Variants in LPGAT1 observed in about 807,000 individuals in gnomAD.
LPGAT1 encodes the protein acyl-CoA:lysophosphatidylglycerol acyltransferase 1.
In LPGAT1, 11 loss-of-function variants were observed where a neutral mutation model predicts 47.5. The ratio of observed to expected loss-of-function variants is 0.23; its 90% CI spans 0.15 to 0.38. LPGAT1 has a LOEUF of 0.38. Ranked by LOEUF, LPGAT1 falls within the 10% of genes least tolerant of loss-of-function variation. The pLI is 1.00. For missense variants in LPGAT1, 293 were observed against 439.0 expected (o/e 0.67, Z 2.97); for synonymous variants, 138 against 144.2 (o/e 0.96, Z 0.31).
At chr1:211,814,367 T>A (rs896459652) in intron 2 of LPGAT1, among the ~76,000 whole-genome samples, 15 of 152,072 alleles carry the variant, frequency 9.9e-5, no homozygotes, top group African/African-American at 3.6e-4. Context: ...GGTAGAAATT[T>A]TCAAAGAAAC....
Position 211,830,142 on chromosome 1 carries a change from A to G in LPGAT1, c.-28+431T>C. 1.0e-6 allele frequency: 1 copy of G among 983,778 alleles called. No individual in the cohort carries two copies. Among genetic ancestry groups the G allele is most frequent in the Non-Finnish European group, 1.2e-6 (1 of 829,484 alleles). 60.9% of individuals were successfully genotyped at this position (983,778 alleles called of 1,614,324 possible). A position where few individuals can be genotyped will look rare whatever the true frequency, so the allele number is the denominator to read the frequency against. On this transcript the variant is annotated intron_variant, in intron 1 of 7. Coordinates refer to ENST00000366997, the MANE Select transcript of LPGAT1 (RefSeq NM_014873.3). The surrounding 1 kb of genome is among the most constrained non-coding windows in gnomAD (Gnocchi z 5.9). ...CCTGCAGCGGTTTCCGCGGATGTGGAAGGGTCGTGGCGGCGGGCGCGGCCC... is the reference window on the plus strand; with the variant it reads ...CCTGCAGCGGTTTCCGCGGATGTGGGAGGGTCGTGGCGGCGGGCGCGGCCC...
At chr1:211,813,754 T>C (rs958831899) in intron 2 of LPGAT1, among the ~76,000 whole-genome samples, 1 of 152,232 alleles carries the variant, frequency 6.6e-6, no homozygotes, top group Non-Finnish European at 1.5e-5. Context: ...ACAAGCTTCT[T>C]AGCTGGAGGG....
chr1:211,819,469 G>C (rs1660290218), intron 2 of LPGAT1, among the ~76,000 whole-genome samples: 1 of 152,084 alleles, frequency 6.6e-6, no homozygotes, highest in South Asian at 2.1e-4. Flanking sequence ...TACAGCCTGG[G>C]TGACAGAACA....
chr1:211,749,687 C>A lies in LPGAT1; in HGVS notation c.*212G>T. 1 of 497,272 alleles carries A rather than the reference C, an allele frequency of 2.0e-6. No homozygotes were observed. 30.8% of individuals were successfully genotyped at this position (497,272 alleles called of 1,614,324 possible). The stretch of plus-strand genomic sequence containing the variant: ...TGTGATAGAGTGTATCTTTTTAAAA[C>A]ATGTTCTTAAAATATATTAGCAGGT... On this transcript the variant is annotated 3_prime_UTR_variant, in exon 8 of 8. Coordinates refer to ENST00000366997, the MANE Select transcript of LPGAT1 (RefSeq NM_014873.3).
intron 2 of LPGAT1, among the ~76,000 whole-genome samples, chr1:211,827,494 AT>A (rs1238671233): frequency 6.6e-6 from 1 of 152,210 alleles, no homozygotes; most frequent in Non-Finnish European, 1.5e-5. Flanking sequence ...ACGCACAAAC[AT>A]TTCAGTAATT....
At chr1:211,818,284 A>G (rs1660250101) in intron 2 of LPGAT1, among the ~76,000 whole-genome samples, 1 of 152,202 alleles carries the variant, frequency 6.6e-6, no homozygotes, top group South Asian at 2.1e-4. Context: ...CCAAGCAAGT[A>G]TCCTTAATAA....
chr1:211,826,422 C>G (rs1373338796), intron 2 of LPGAT1, among the ~76,000 whole-genome samples: 1 of 152,152 alleles, frequency 6.6e-6, no homozygotes, highest in African/African-American at 2.4e-5. Context: ...TAGAAGTGTT[C>G]TGTATCTGCA....
At chr1:211,801,283 C>T (rs937640105) in intron 2 of LPGAT1, among the ~76,000 whole-genome samples, 6 of 152,154 alleles carry the variant, frequency 3.9e-5, no homozygotes, top group East Asian at 3.8e-4. Flanking sequence ...CACAACAAAC[C>T]GTACTAAAAT....
At chr1:211,752,681 T>C (rs6704043) in intron 6 of LPGAT1, among the ~76,000 whole-genome samples, 49,268 of 151,836 alleles carry the variant, frequency 0.32, 9,187 homozygotes, top group Non-Finnish European at 0.43. Context: ...ATCAGATCAC[T>C]GTAACTATGC....
At chr1:211,781,346 G>A (rs903386899) in intron 5 of LPGAT1, among the ~76,000 whole-genome samples, 1 of 152,190 alleles carries the variant, frequency 6.6e-6, no homozygotes, top group African/African-American at 2.4e-5. Context: ...ACAGGGTATT[G>A]ACTGGGTGGA....
In LPGAT1 at chr1:211,830,322, CGCGGCT is replaced by C. The variant is rs1053522525; in HGVS notation, c.-28+245_-28+250del. ...GGGCGCGCTGGCGCCCTACTCCCCTCGCGGCTGCCTGCGGACAGAGGGACGGCGGGG... is the reference window on the plus strand; with the variant it reads ...GGGCGCGCTGGCGCCCTACTCCCCTCGCCTGCGGACAGAGGGACGGCGGGG... On this transcript the variant is annotated intron_variant, in intron 1 of 7. Coordinates refer to ENST00000366997, the MANE Select transcript of LPGAT1 (RefSeq NM_014873.3). This position sits in a 1 kb window ranked among gnomAD's most constrained non-coding sequence, Gnocchi z 5.9. 11 of 1,112,432 alleles carry C rather than the reference CGCGGCT, an allele frequency of 9.9e-6. No individual in the cohort carries two copies. Among genetic ancestry groups the C allele is most frequent in the Middle Eastern group, 3.8e-4 (1 of 2,624 alleles). The allele number at this position is 1,112,432 out of a possible 1,614,324, so 68.9% of individuals were successfully genotyped here.
intron 2 of LPGAT1, among the ~76,000 whole-genome samples, chr1:211,818,889 G>T (rs528331239): frequency 6.6e-6 from 1 of 152,192 alleles, no homozygotes; most frequent in Non-Finnish European, 1.5e-5. Context: ...ATCAAAACAC[G>T]TTGGAAACCA....
chr1:211,812,443 C>T (rs1216240509), intron 2 of LPGAT1, among the ~76,000 whole-genome samples: 1 of 152,108 alleles, frequency 6.6e-6, no homozygotes, highest in Admixed American at 6.5e-5. Flanking sequence ...AAGGTTCTCA[C>T]TGAGCAAGGA....
chr1:211,809,088 C>G (rs1443165602), intron 2 of LPGAT1, among the ~76,000 whole-genome samples: 2 of 151,858 alleles, frequency 1.3e-5, no homozygotes, highest in African/African-American at 4.8e-5. Context: ...GCCTATAGTC[C>G]CAACTACTCG....
In LPGAT1 at chr1:211,748,949, A is replaced by G. The variant is rs1433270187; in HGVS notation, c.*950T>C. 2.0e-5 allele frequency: 3 copies of G among 152,312 alleles called. No individual in the cohort carries two copies. The highest frequency in any genetic ancestry group is 7.2e-5 in the African/African-American group (3 of 41,446). The allele number at this position is 152,312 out of a possible 1,614,324, so 9.4% of individuals were successfully genotyped here. Reference sequence around the variant, plus strand: ...TAGTAATTTGTTTTAACCATCCCCAAATGCATTTAGTGCCAATGTCAAAAT... The same window carrying G: ...TAGTAATTTGTTTTAACCATCCCCAGATGCATTTAGTGCCAATGTCAAAAT... On this transcript the variant is annotated 3_prime_UTR_variant, in exon 8 of 8. Coordinates refer to ENST00000366997, the MANE Select transcript of LPGAT1 (RefSeq NM_014873.3).
At chr1:211,758,559 C>T (rs776584209) in intron 6 of LPGAT1, among the ~76,000 whole-genome samples, 16 of 151,954 alleles carry the variant, frequency 1.1e-4, no homozygotes, top group African/African-American at 3.4e-4. Flanking sequence ...AAAAATAAAC[C>T]GGGCATGGTG....
At chr1:211,791,660 T>C (rs1339102644) in intron 3 of LPGAT1, among the ~76,000 whole-genome samples, 4 of 151,384 alleles carry the variant, frequency 2.6e-5, no homozygotes, top group Admixed American at 6.6e-5. Context: ...GGCACAAGAA[T>C]TGCTTGAACC....
At position 211,778,975 on chromosome 1, in the gene LPGAT1, T is replaced by G; in HGVS notation, c.797A>C (p.Asp266Ala). 6.2e-7 allele frequency: 1 copy of G among 1,610,266 alleles called. No individual in the cohort carries two copies. ...TIAYPKAEPI[D>A]IQTWILGYRK... ...GTATCCAAGGATCCAGGTTTGAATA[T>G]CTATAGGTTCAGCTTTGGGATAAGC... The change falls in exon 6 of 8, where the codon GAT becomes GCT. Residue 266 changes from aspartate (D) to alanine (A), a missense_variant. By Grantham distance (126) the Asp-to-Ala change is moderately radical. Coordinates refer to ENST00000366997, the MANE Select transcript of LPGAT1 (RefSeq NM_014873.3).
At position 211,830,232 on chromosome 1, in the gene LPGAT1, C is replaced by G; in HGVS notation, c.-28+341G>C. 1 of 985,032 alleles carries G rather than the reference C, an allele frequency of 1.0e-6. No individual in the cohort carries two copies. Among genetic ancestry groups the G allele is most frequent in the Non-Finnish European group, 1.2e-6 (1 of 830,420 alleles). 61.0% of individuals were successfully genotyped at this position (985,032 alleles called of 1,614,324 possible). On this transcript the variant is annotated intron_variant, in intron 1 of 7. Coordinates refer to ENST00000366997, the MANE Select transcript of LPGAT1 (RefSeq NM_014873.3). The surrounding 1 kb of genome is among the most constrained non-coding windows in gnomAD (Gnocchi z 5.9). The stretch of plus-strand genomic sequence containing the variant: ...GCTGCGGAGAGCGGGGGCGGGTGTC[C>G]CCCGCCGAGGGGTCGCGGTCATGGA...
Sources: allele counts gnomAD v4.1 joint callset (sites outside exome capture counted in the v4.1 genomes callset), GRCh38; gene constraint gnomAD v4.1.1; non-coding constraint Gnocchi (gnomAD v3.1); transcripts MANE v1.5; gene names NCBI Gene and HGNC (gene_info 2026-07-23, HGNC 2026-07-21).